Variants in TBC1D32 observed in about 807,000 individuals in gnomAD.
TBC1D32 encodes the protein protein broad-minded.
In TBC1D32, 151 loss-of-function variants were observed where a neutral mutation model predicts 170.3. That is an observed-to-expected ratio of 0.89 (90% CI 0.78 to 1.01). The LOEUF is 1.01. Among genes scored for constraint, TBC1D32 ranks in the 50% least tolerant of loss-of-function variants. The pLI, the probability that TBC1D32 is intolerant of heterozygous loss-of-function variation, is 0.00. For synonymous variants in TBC1D32, 498 were observed against 488.0 expected, an observed-to-expected ratio of 1.02 and a Z score of -0.27; for missense variants, 1,464 against 1,457.1, an observed-to-expected ratio of 1.00 and a Z score of -0.08.
chr6:121,209,296 T>A (rs1191792375), intron 21 of TBC1D32, among the ~76,000 whole-genome samples: 3 of 152,188 alleles, frequency 2.0e-5, no homozygotes, highest in Non-Finnish European at 4.4e-5. Flanking sequence ...CAAAGTTTCC[T>A]CCTGCCTTAT....
At chr6:121,327,407 CAAAGATTGATAG>C (rs1242133317) in intron 1 of TBC1D32, among the ~76,000 whole-genome samples, 1 of 152,082 alleles carries the variant, frequency 6.6e-6, no homozygotes, top group Non-Finnish European at 1.5e-5. Flanking sequence ...TATCTAATCC[CAAAGATTGATAG>C]TACTACTGAT....
intron 19 of TBC1D32, among the ~76,000 whole-genome samples, chr6:121,239,490 T>C (rs1027339597): frequency 1.3e-5 from 2 of 152,106 alleles, no homozygotes; most frequent in African/African-American, 4.8e-5. Flanking sequence ...TCTGAGCATG[T>C]TTTCTGAAAC....
chr6:121,309,577 C>T (rs1479845397), intron 4 of TBC1D32, among the ~76,000 whole-genome samples: 1 of 151,722 alleles, frequency 6.6e-6, no homozygotes, highest in Admixed American at 6.6e-5. Flanking sequence ...GATACGCATA[C>T]CAATACATAA....
chr6:121,108,294 A>G (rs1778889761), intron 29 of TBC1D32, among the ~76,000 whole-genome samples: 1 of 152,064 alleles, frequency 6.6e-6, no homozygotes, highest in Admixed American at 6.6e-5. Flanking sequence ...TCATCAAATG[A>G]TAAATTGTTT....
At chr6:121,136,928 T>C (rs910409493) in intron 24 of TBC1D32, among the ~76,000 whole-genome samples, 1 of 152,132 alleles carries the variant, frequency 6.6e-6, no homozygotes, top group African/African-American at 2.4e-5. Context: ...CAGTTATAGT[T>C]CATAATTAGT....
chr6:121,080,472 C>T lies in TBC1D32; in HGVS notation c.*299G>A, dbSNP rs1045744543. On this transcript the variant is annotated 3_prime_UTR_variant, in exon 32 of 32. Coordinates refer to ENST00000398212, the MANE Select transcript of TBC1D32 (RefSeq NM_152730.6). ...CTCGTGATCCGCCCACCTCAGACTC[C>T]CAAAGTGCTGGGATTACAGGCATGA... is the stretch of plus-strand genomic sequence containing the variant. 5 of 247,968 alleles carry T rather than the reference C, an allele frequency of 2.0e-5. No individual in the cohort carries two copies. Among genetic ancestry groups the T allele is most frequent in the Non-Finnish European group, 3.2e-5 (4 of 124,162 alleles). 15.4% of individuals were successfully genotyped at this position (247,968 alleles called of 1,614,324 possible).
intron 15 of TBC1D32, among the ~76,000 whole-genome samples, chr6:121,267,158 A>G (rs1800634227): frequency 6.6e-6 from 1 of 150,646 alleles, no homozygotes; most frequent in Non-Finnish European, 1.5e-5. Context: ...GGGAGGTTCC[A>G]AGATGGCTGA....
intron 21 of TBC1D32, among the ~76,000 whole-genome samples, chr6:121,219,703 T>C (rs139762510): frequency 1.2e-3 from 178 of 152,358 alleles, no homozygotes; most frequent in African/African-American, 3.8e-3. Flanking sequence ...CCTTGTTTTA[T>C]TGCATGTCAC....
At chr6:121,290,432 A>G (rs1353341018) in intron 12 of TBC1D32, among the ~76,000 whole-genome samples, 1 of 152,082 alleles carries the variant, frequency 6.6e-6, no homozygotes, top group East Asian at 1.9e-4. Flanking sequence ...GAGAAATGCA[A>G]ATCAAAACCA....
At chr6:121,168,733 A>AAT (rs1786503169) in intron 22 of TBC1D32, among the ~76,000 whole-genome samples, 1 of 147,252 alleles carries the variant, frequency 6.8e-6, no homozygotes, top group Non-Finnish European at 1.5e-5. Flanking sequence ...AAAAAAAAAA[A>AAT]ATCAACATGC....
intron 30 of TBC1D32, among the ~76,000 whole-genome samples, chr6:121,093,532 A>G (rs941279785): frequency 2.0e-5 from 3 of 152,178 alleles, no homozygotes; most frequent in African/African-American, 7.2e-5. Flanking sequence ...CGATCTCCAC[A>G]GCTAGAGAAA....
At chr6:121,263,860 G>A (rs1800095551) in intron 15 of TBC1D32, among the ~76,000 whole-genome samples, 1 of 152,120 alleles carries the variant, frequency 6.6e-6, no homozygotes. Flanking sequence ...TGAAAGTAAG[G>A]CAGAAATCAA....
intron 15 of TBC1D32, among the ~76,000 whole-genome samples, chr6:121,260,996 C>A (rs76813799): frequency 6.6e-6 from 1 of 152,116 alleles, no homozygotes. Context: ...TTCCCCACAG[C>A]GCAGCACACC....
In TBC1D32 at chr6:121,126,387, C is replaced by A. The variant is rs546076493; in HGVS notation, c.2974G>T (p.Glu992Ter). 6.2e-7 allele frequency: 1 copy of A among 1,611,450 alleles called. No individual in the cohort carries two copies. Among genetic ancestry groups the A allele is most frequent in the Non-Finnish European group, 8.5e-7 (1 of 1,178,578 alleles). ...AATGTTTAAAATGTACCTGTATACT[C>A]CACTGAAGGGAAGTAGCATTCAGAT... ...SPSECYFPSV[E>*]YTATDANVKN... Residue 992 changes from glutamate (E) to a stop codon, truncating the protein, a stop_gained, in exon 26 of 32, where the codon GAG (glutamate) becomes TAG (stop). Coordinates refer to ENST00000398212, the MANE Select transcript of TBC1D32 (RefSeq NM_152730.6). LOFTEE classifies it high-confidence loss of function.
Position 121,317,559 on chromosome 6 carries a change from T to C in TBC1D32, c.431A>G (p.Gln144Arg), listed in dbSNP as rs199778877. ...GCGGTAACTATGGCTTTTCTCCTTT[T>C]GGATTTTTTTCTGCCTTTCTTGATT... ...TRNQERQKKI[Q>R]KEKSHSYRTD... Residue 144 changes from glutamine (Q) to arginine (R), a missense_variant, in exon 3 of 32, where the codon CAA becomes CGA. By Grantham distance (43) the Gln-to-Arg change is conservative (BLOSUM62 1). Around this residue, in one of 3 missense-constraint regions of TBC1D32, gnomAD observed 1,363 missense variants for 1,338.1 expected, o/e 1.02. Transcript: ENST00000398212. 1.4e-4 allele frequency: 224 copies of C among 1,613,184 alleles called. No individual in the cohort carries two copies. Among genetic ancestry groups the C allele is most frequent in the Non-Finnish European group, 1.9e-4 (221 of 1,179,460 alleles).
intron 20 of TBC1D32, among the ~76,000 whole-genome samples, chr6:121,224,938 A>G (rs1161272162): frequency 6.6e-6 from 1 of 152,152 alleles, no homozygotes; most frequent in African/African-American, 2.4e-5. Context: ...AAAATAATCC[A>G]TGATTAAAAG....
chr6:121,238,685 T>C (rs1796603685), intron 20 of TBC1D32, among the ~76,000 whole-genome samples: 1 of 152,140 alleles, frequency 6.6e-6, no homozygotes, highest in South Asian at 2.1e-4. Flanking sequence ...CTGACAATTT[T>C]CTATTAGATT....
chr6:121,137,936 T>G (rs759044034), intron 24 of TBC1D32, among the ~76,000 whole-genome samples: 4 of 152,060 alleles, frequency 2.6e-5, no homozygotes, highest in Non-Finnish European at 4.4e-5. Context: ...AAAAGTAAAA[T>G]AAAGACTTTA....
At chr6:121,288,941 C>A (rs551005186) in intron 12 of TBC1D32, among the ~76,000 whole-genome samples, 2 of 152,088 alleles carry the variant, frequency 1.3e-5, no homozygotes, top group Admixed American at 1.3e-4. Context: ...AGGCCTTTGA[C>A]AAAATTCAAC....
Sources: allele counts gnomAD v4.1 joint callset (sites outside exome capture counted in the v4.1 genomes callset), GRCh38; gene constraint gnomAD v4.1.1; regional missense constraint gnomAD v4.1.1; transcripts MANE v1.5; gene names NCBI Gene and HGNC (gene_info 2026-07-23, HGNC 2026-07-21).